Variants in TACR3 observed in about 807,000 individuals in gnomAD.
TACR3 encodes tachykinin receptor 3.
In TACR3, 34 loss-of-function variants were observed where a neutral mutation model predicts 35.0. The observed-to-expected ratio is 0.97, with a 90% CI of 0.74 to 1.30. The LOEUF (loss-of-function observed/expected upper bound fraction) is 1.30. Ranked by LOEUF, TACR3 falls within the 50% of genes most tolerant of loss-of-function variation. TACR3 has a pLI of 0.00. For missense variants in TACR3, 558 were observed against 591.7 expected (o/e 0.94, Z 0.59); for synonymous variants, 233 against 221.1 (o/e 1.05, Z -0.48).
intron 1 of TACR3, among the ~76,000 whole-genome samples, chr4:103,704,670 C>T (rs1232724198): frequency 6.6e-6 from 1 of 152,142 alleles, no homozygotes; most frequent in Non-Finnish European, 1.5e-5. Flanking sequence ...ATACCTGGTT[C>T]CTCCCTTGAC....
chr4:103,618,993 CAG>C (rs559384121), intron 3 of TACR3, among the ~76,000 whole-genome samples: 133 of 152,248 alleles, frequency 8.7e-4, no homozygotes, highest in African/African-American at 2.9e-3. Flanking sequence ...AGCCTTTTGG[CAG>C]AGTCTTTAGG....
chr4:103,704,696 G>A (rs1722746836), intron 1 of TACR3, among the ~76,000 whole-genome samples: 3 of 152,128 alleles, frequency 2.0e-5, no homozygotes, highest in Non-Finnish European at 4.4e-5. Context: ...GGGATTATGG[G>A]GGTTACAATT....
chr4:103,599,772 T>C (rs896263679), intron 3 of TACR3, among the ~76,000 whole-genome samples: 1 of 152,236 alleles, frequency 6.6e-6, no homozygotes, highest in African/African-American at 2.4e-5. Context: ...GATTTGCGTA[T>C]GTCGAACCAG....
At chr4:103,607,484 A>T (rs1724407111) in intron 3 of TACR3, among the ~76,000 whole-genome samples, 1 of 151,830 alleles carries the variant, frequency 6.6e-6, no homozygotes, top group Non-Finnish European at 1.5e-5. Context: ...AAATACTTTT[A>T]AATATTTTAT....
At chr4:103,596,720 A>G (rs1044583561) in intron 3 of TACR3, among the ~76,000 whole-genome samples, 13 of 152,040 alleles carry the variant, frequency 8.6e-5, no homozygotes, top group Non-Finnish European at 1.5e-4. Context: ...CGTCATTTAC[A>G]TTAGGTATAT....
At chr4:103,614,884 G>GGTTT (rs1724601041) in intron 3 of TACR3, among the ~76,000 whole-genome samples, 1 of 72,006 alleles carries the variant, frequency 1.4e-5, no homozygotes, top group African/African-American at 6.0e-5. Flanking sequence ...TTATGAATGT[G>GGTTT]TTTTTTTTTT....
chr4:103,613,486 A>ATTT (rs764749592), intron 3 of TACR3, among the ~76,000 whole-genome samples: 7 of 144,748 alleles, frequency 4.8e-5, no homozygotes, highest in Non-Finnish European at 9.2e-5. Flanking sequence ...CGCCCGGCTA[A>ATTT]TTTTTTTTTT....
At chr4:103,606,630 G>A (rs557612492) in intron 3 of TACR3, among the ~76,000 whole-genome samples, 5 of 151,476 alleles carry the variant, frequency 3.3e-5, no homozygotes, top group African/African-American at 9.7e-5. Context: ...TCTGTCTGTT[G>A]TTGGTGTATA....
At chr4:103,680,236 T>C (rs1726261851) in intron 1 of TACR3, among the ~76,000 whole-genome samples, 1 of 151,516 alleles carries the variant, frequency 6.6e-6, no homozygotes, top group Non-Finnish European at 1.5e-5. Flanking sequence ...TTTTTATTGT[T>C]AGCAAGTAGA....
At chr4:103,682,894 C>T (rs28735444) in intron 1 of TACR3, among the ~76,000 whole-genome samples, 7,846 of 151,922 alleles carry the variant, frequency 0.052, 707 homozygotes, top group African/African-American at 0.18. Context: ...AAGCCAGCAA[C>T]GAAGAAAGAG....
At chr4:103,700,357 T>C (rs1722622046) in intron 1 of TACR3, among the ~76,000 whole-genome samples, 1 of 152,162 alleles carries the variant, frequency 6.6e-6, no homozygotes, top group Non-Finnish European at 1.5e-5. Flanking sequence ...TTCCCTTACT[T>C]ACAGGAGTGT....
chr4:103,708,371 C>T lies in TACR3; in HGVS notation c.548+10757G>A, dbSNP rs1722848287. 3.9e-5 allele frequency among the ~76,000 whole-genome samples: 6 copies of T among 152,308 alleles called. No homozygotes were observed. In the South Asian group the frequency reaches 1.2e-3, roughly 32 times the overall value. ...AACAATATTTGCTGTTCTGCAGCCT[C>T]CACTGCTGATACCCTGGCAAACAGG... is the stretch of plus-strand genomic sequence containing the variant. On this transcript the variant is annotated intron_variant, in intron 1 of 4. Coordinates refer to ENST00000304883, the MANE Select transcript of TACR3 (RefSeq NM_001059.3).
At chr4:103,624,408 A>T (rs1052782819) in intron 3 of TACR3, 1 of 152,150 alleles carries the variant, frequency 6.6e-6, no homozygotes, top group Non-Finnish European at 1.5e-5. Context: ...ATCAAAAGGG[A>T]TAAAGTAATC....
rs1034470606 is a variant in TACR3, at chr4:103,604,973, C to A, written c.889-13290G>T. On this transcript the variant is annotated intron_variant, in intron 3 of 4. Coordinates refer to ENST00000304883, the MANE Select transcript of TACR3 (RefSeq NM_001059.3). ...TTAGGTATATCTCCCAATGCTATCCCTCCCCCCTCCCCCCACCCCACAACA... is the reference window on the plus strand; with the variant it reads ...TTAGGTATATCTCCCAATGCTATCCATCCCCCCTCCCCCCACCCCACAACA... Among the ~76,000 whole-genome samples the A allele has an allele frequency of 3.3e-5, 4 of 122,676 alleles. No homozygotes were observed. In the Admixed American group the frequency reaches 3.4e-4, roughly 11 times the overall value. 80.5% of individuals were successfully genotyped at this position (122,676 alleles called of 152,430 possible).
At chr4:103,692,902 T>C (rs1722437363) in intron 1 of TACR3, among the ~76,000 whole-genome samples, 1 of 152,172 alleles carries the variant, frequency 6.6e-6, no homozygotes, top group South Asian at 2.1e-4. Flanking sequence ...AGAAAGCATG[T>C]GAATATTCAG....
At chr4:103,717,080 T>C (rs932203558) in intron 1 of TACR3, among the ~76,000 whole-genome samples, 11 of 152,276 alleles carry the variant, frequency 7.2e-5, no homozygotes, top group Middle Eastern at 3.4e-3. Flanking sequence ...ACAGGGTCAG[T>C]TTTTACAGTT....
At chr4:103,691,606 A>G (rs549972594) in intron 1 of TACR3, among the ~76,000 whole-genome samples, 14 of 152,288 alleles carry the variant, frequency 9.2e-5, no homozygotes, top group Admixed American at 3.3e-4. Context: ...CTGGCCATAA[A>G]CTGGACCCCA....
intron 3 of TACR3, among the ~76,000 whole-genome samples, chr4:103,634,118 C>G (rs1336547484): frequency 1.3e-5 from 2 of 152,038 alleles, no homozygotes; most frequent in Non-Finnish European, 2.9e-5. Context: ...TTTGAGAGCA[C>G]AAAAACCACT....
chr4:103,616,584 AATTAAAAG>A (rs977512771), intron 3 of TACR3, among the ~76,000 whole-genome samples: 1 of 132,324 alleles, frequency 7.6e-6, no homozygotes, highest in African/African-American at 2.9e-5. Context: ...CTATGCCTAA[AATTAAAAG>A]ATTAAAAGAT....
Sources: allele counts gnomAD v4.1 joint callset (sites outside exome capture counted in the v4.1 genomes callset), GRCh38; gene constraint gnomAD v4.1.1; transcripts MANE v1.5; gene names NCBI Gene and HGNC (gene_info 2026-07-23, HGNC 2026-07-21).